STAC: variants seen among roughly 807,000 people sequenced by gnomAD.
STAC encodes SH3 and cysteine-rich domain-containing protein.
STAC carries 43 observed loss-of-function variants against 48.8 expected under a neutral mutation model. The observed-to-expected ratio is 0.88, with a 90% confidence interval of 0.69 to 1.14. The LOEUF is 1.14. STAC is among the 50% of genes most tolerant of loss of function. STAC has a pLI of 0.00. For missense variants in STAC, 497 were observed against 504.0 expected, an observed-to-expected ratio of 0.99 and a Z score of 0.13; for synonymous variants, 193 against 179.5, an observed-to-expected ratio of 1.07 and a Z score of -0.60.
In STAC at chr3:36,443,533, C is replaced by A; in HGVS notation, c.281C>A (p.Ser94Tyr). The A allele has an allele frequency of 6.2e-7, 1 of 1,614,242 alleles. No homozygotes were observed. Among genetic ancestry groups the A allele is most frequent in the Non-Finnish European group, 8.5e-7 (1 of 1,180,042 alleles). The change falls in exon 2 of 11, where the codon TCC becomes TAC. Residue 94 changes from serine (S) to tyrosine (Y), a missense_variant. By Grantham distance (144) the Ser-to-Tyr change is moderately radical. Coordinates refer to ENST00000273183, the MANE Select transcript of STAC (RefSeq NM_003149.3). The surrounding 1 kb of genome is among the most constrained non-coding windows in gnomAD (Gnocchi z 4.2). ...CTCCCTGCTCCAGGAAGCCTGACGT[C>A]CACACCCGCCAGGGCTGGTCTGCAT... is the stretch of plus-strand genomic sequence containing the variant. Reference protein sequence around the residue: ...SPLPAPGSLTSTPARAGLHPG... With the variant: ...SPLPAPGSLTYTPARAGLHPG...
chr3:36,521,620 C>T (rs1369879156), intron 8 of STAC, among the ~76,000 whole-genome samples: 1 of 152,122 alleles, frequency 6.6e-6, no homozygotes, highest in Non-Finnish European at 1.5e-5. Flanking sequence ...ATGTTAGCGT[C>T]TGAAGCCACT....
At chr3:36,422,023 T>C (rs905947042) in intron 1 of STAC, among the ~76,000 whole-genome samples, 1 of 152,182 alleles carries the variant, frequency 6.6e-6, no homozygotes, top group Non-Finnish European at 1.5e-5. Context: ...TTCATAGTTA[T>C]GTTCCTCTTT....
intron 1 of STAC, among the ~76,000 whole-genome samples, chr3:36,431,694 G>A (rs566757796): frequency 1.8e-4 from 28 of 152,254 alleles, no homozygotes; most frequent in Admixed American, 7.8e-4. Flanking sequence ...AGGGAGAGAG[G>A]TTTATAAAGC....
chr3:36,419,678 T>A (rs759741128), intron 1 of STAC, among the ~76,000 whole-genome samples: 1 of 152,140 alleles, frequency 6.6e-6, no homozygotes, highest in Non-Finnish European at 1.5e-5. Flanking sequence ...CAGACAATGG[T>A]TTATAACAAA....
At chr3:36,506,504 T>A (rs1161368937) in intron 8 of STAC, among the ~76,000 whole-genome samples, 1 of 152,178 alleles carries the variant, frequency 6.6e-6, no homozygotes, top group Non-Finnish European at 1.5e-5. Flanking sequence ...ATTGAATCTA[T>A]AAATTACTTT....
intron 1 of STAC, among the ~76,000 whole-genome samples, chr3:36,415,127 T>C (rs1700289457): frequency 6.6e-6 from 1 of 152,158 alleles, no homozygotes; most frequent in Non-Finnish European, 1.5e-5. Flanking sequence ...GGGACCCACT[T>C]GAGGAGGCAG....
chr3:36,508,926 A>C (rs2125715891), intron 8 of STAC, among the ~76,000 whole-genome samples: 1 of 152,276 alleles, frequency 6.6e-6, no homozygotes, highest in African/African-American at 2.4e-5. Context: ...ATTTAAGGTT[A>C]ATATTATTAT....
intron 6 of STAC, among the ~76,000 whole-genome samples, chr3:36,493,797 A>G (rs1253734698): frequency 6.6e-6 from 1 of 152,154 alleles, no homozygotes; most frequent in Non-Finnish European, 1.5e-5. Context: ...CTTTGTTATA[A>G]TAATTTCTAA....
chr3:36,456,365 T>C (rs977850339), intron 2 of STAC, among the ~76,000 whole-genome samples: 1 of 152,130 alleles, frequency 6.6e-6, no homozygotes, highest in African/African-American at 2.4e-5. Flanking sequence ...AGGAATTCCT[T>C]CTGAGTATCT....
chr3:36,500,565 C>T (rs1023936177), intron 6 of STAC, among the ~76,000 whole-genome samples: 10 of 151,976 alleles, frequency 6.6e-5, no homozygotes, highest in Non-Finnish European at 1.3e-4. Context: ...ACATGTGTAA[C>T]AAACCTGCAC....
chr3:36,454,591 C>T (rs1696797933), intron 2 of STAC, among the ~76,000 whole-genome samples: 1 of 152,152 alleles, frequency 6.6e-6, no homozygotes, highest in Non-Finnish European at 1.5e-5. Flanking sequence ...TACTATCTCC[C>T]CTCTCCACTC....
At chr3:36,485,964 G>T in intron 4 of STAC, 170 bp from the exon 5 acceptor site, 1 of 590,494 alleles carries the variant, frequency 1.7e-6, no homozygotes, top group East Asian at 2.9e-5. Flanking sequence ...ATGCTGGGTG[G>T]GGGTGCATCT....
rs1559476824 is a variant in STAC at position 36,398,304 on chromosome 3, A to AAAGAAAGAAAGCAAGC, written c.111+17561_111+17562insCAAGCAAGAAAGAAAG. Among the ~76,000 whole-genome samples, 2 of 109,346 alleles carry AAAGAAAGAAAGCAAGC rather than the reference A, an allele frequency of 1.8e-5. 1 individual carries two copies. The highest frequency in any genetic ancestry group is 1.9e-4 in the Admixed American group (2 of 10,510). 71.7% of individuals were successfully genotyped at this position (109,346 alleles called of 152,430 possible). A position where few individuals can be genotyped will look rare whatever the true frequency, so the allele number is the denominator to read the frequency against. Reference sequence around the variant, plus strand: ...TATGAAGGTATGTTAAAAAAGAAAGAAAGAAAGAAAGAAAGCAAGAAAGAA... The same window carrying AAAGAAAGAAAGCAAGC: ...TATGAAGGTATGTTAAAAAAGAAAGAAAGAAAGAAAGCAAGCAAGAAAGAAAGAAAGCAAGAAAGAA... On this transcript the variant is annotated intron_variant, in intron 1 of 10. Coordinates refer to ENST00000273183, the MANE Select transcript of STAC (RefSeq NM_003149.3).
At chr3:36,460,116 A>G (rs1398563048) in intron 2 of STAC, among the ~76,000 whole-genome samples, 4 of 152,132 alleles carry the variant, frequency 2.6e-5, no homozygotes, top group Admixed American at 6.6e-5. Context: ...AAAGGAAAGA[A>G]GAGGGAATCT....
At chr3:36,484,715 G>A (rs1697753453) in intron 3 of STAC, among the ~76,000 whole-genome samples, 1 of 152,240 alleles carries the variant, frequency 6.6e-6, no homozygotes, top group Non-Finnish European at 1.5e-5. Flanking sequence ...GTGCACTGCA[G>A]GAGGAGGACA....
intron 8 of STAC, among the ~76,000 whole-genome samples, chr3:36,526,943 G>C (rs1198561796): frequency 6.6e-6 from 1 of 152,152 alleles, no homozygotes; most frequent in Non-Finnish European, 1.5e-5. Context: ...GATAGGAGGA[G>C]GAGGCGGCAC....
Position 36,546,230 on chromosome 3 carries a change from A to G in STAC, c.1150A>G (p.Arg384Gly). The G allele has an allele frequency of 6.2e-7, 1 of 1,614,062 alleles. No individual in the cohort carries two copies. Among genetic ancestry groups the G allele is most frequent in the Non-Finnish European group, 8.5e-7 (1 of 1,179,950 alleles). The change falls in exon 11 of 11, where the codon AGA becomes GGA. Residue 384 changes from arginine (R) to glycine (G), a missense_variant. Transcript: ENST00000273183. ...TGAAGAAGAACAAGATGGTTTTATC[A>G]GAGTCCTCAGTGGAAAAAAGAAAGG... is the stretch of plus-strand genomic sequence containing the variant. ...SSEEEQDGFI[R>G]VLSGKKKGLI...
At chr3:36,463,105 T>C (rs1183881715) in intron 2 of STAC, among the ~76,000 whole-genome samples, 1 of 152,196 alleles carries the variant, frequency 6.6e-6, no homozygotes, top group Non-Finnish European at 1.5e-5. Flanking sequence ...ATAAGTAAGA[T>C]TGATCTGTAG....
chr3:36,456,563 CT>C (rs957761074), intron 2 of STAC, among the ~76,000 whole-genome samples: 1 of 152,144 alleles, frequency 6.6e-6, no homozygotes, highest in Non-Finnish European at 1.5e-5. Flanking sequence ...GTGGGCCTCC[CT>C]GCTGTCTGGA....
Sources: gnomAD v4.1 joint callset for allele counts (sites outside exome capture counted in the v4.1 genomes callset) on GRCh38, gnomAD v4.1.1 for gene constraint, Gnocchi (gnomAD v3.1) non-coding constraint, MANE v1.5 for transcripts, NCBI Gene and HGNC (gene_info 2026-07-23, HGNC 2026-07-21) for gene names.